MYO3A: variants seen among roughly 807,000 people sequenced by gnomAD.
MYO3A encodes myosin IIIA.
Under a neutral mutation model 192.7 loss-of-function variants are expected in MYO3A, and 180 were observed. The ratio of observed to expected loss-of-function variants is 0.93; its 90% CI spans 0.83 to 1.06. The LOEUF (loss-of-function observed/expected upper bound fraction) is 1.06. Among genes scored for constraint, MYO3A ranks in the 50% least tolerant of loss-of-function variants. MYO3A has a pLI of 0.00. For missense variants in MYO3A, 1,896 were observed against 1,905.0 expected (o/e 1.00, Z 0.09); for synonymous variants, 628 against 645.3 (o/e 0.97, Z 0.41).
rs1003060114 is a variant in MYO3A at position 25,955,025 on chromosome 10, C to A, written c.303+17C>A. On this transcript the variant is annotated intron_variant, in intron 4 of 34. Transcript: ENST00000642920. ...GTTCTTGAGGTAAGTGTGTCAGCAT[C>A]ATTTGTATGGGTGGAAACTTAGAGT... is the stretch of plus-strand genomic sequence containing the variant. 6.2e-7 allele frequency: 1 copy of A among 1,611,888 alleles called. No homozygotes were observed. Among genetic ancestry groups the A allele is most frequent in the Non-Finnish European group, 8.5e-7 (1 of 1,178,404 alleles).
chr10:26,138,289 T>A (rs564273576), intron 20 of MYO3A, among the ~76,000 whole-genome samples: 3 of 152,214 alleles, frequency 2.0e-5, no homozygotes, highest in Non-Finnish European at 4.4e-5. Context: ...CTGACACTTA[T>A]GGAAAATAGA....
At chr10:26,130,013 G>T (rs1839439631) in intron 20 of MYO3A, among the ~76,000 whole-genome samples, 1 of 151,994 alleles carries the variant, frequency 6.6e-6, no homozygotes, top group Admixed American at 6.5e-5. Context: ...TTGTTCTTTT[G>T]GTGGTTGGGT....
chr10:26,005,455 TTGA>T (rs1258339753), intron 6 of MYO3A, among the ~76,000 whole-genome samples: 1 of 125,884 alleles, frequency 7.9e-6, no homozygotes, highest in African/African-American at 3.9e-5. Context: ...TTTAGGACAG[TTGA>T]TGAAATTTGA....
At chr10:26,105,401 C>T (rs946877605) in intron 17 of MYO3A, among the ~76,000 whole-genome samples, 67 of 152,068 alleles carry the variant, frequency 4.4e-4, no homozygotes, top group African/African-American at 1.5e-3. Context: ...ATTTCCTAGT[C>T]TGGTGGGTGA....
At chr10:26,036,206 T>C (rs895218554) in intron 10 of MYO3A, among the ~76,000 whole-genome samples, 1 of 152,152 alleles carries the variant, frequency 6.6e-6, no homozygotes, top group Non-Finnish European at 1.5e-5. Flanking sequence ...CCCAAAGTGC[T>C]AGGATTACAG....
chr10:26,009,303 A>G (rs1353574306), intron 6 of MYO3A, among the ~76,000 whole-genome samples: 1 of 152,136 alleles, frequency 6.6e-6, no homozygotes. Flanking sequence ...GGTGCAGCAC[A>G]CCAGCACCAG....
intron 31 of MYO3A, among the ~76,000 whole-genome samples, chr10:26,185,513 T>C (rs1842823090): frequency 6.6e-6 from 1 of 151,822 alleles, no homozygotes; most frequent in Admixed American, 6.6e-5. Flanking sequence ...CTAAATTTTG[T>C]ATTTTTAGTA....
chr10:26,081,133 T>TCCCCCCCCTCCCCCC (rs1835906244), intron 14 of MYO3A, among the ~76,000 whole-genome samples: 1 of 84,940 alleles, frequency 1.2e-5, no homozygotes, highest in Non-Finnish European at 2.5e-5. Flanking sequence ...TATATGCCCT[T>TCCCCCCCCTCCCCCC]CCCCCCCCCC....
At chr10:26,057,604 G>A (rs978399113) in intron 10 of MYO3A, among the ~76,000 whole-genome samples, 2 of 152,172 alleles carry the variant, frequency 1.3e-5, no homozygotes, top group African/African-American at 4.8e-5. Context: ...GTCACCCTCT[G>A]GATGGGTAAA....
Position 26,212,290 on chromosome 10 carries a change from G to A in MYO3A, c.*327G>A, listed in dbSNP as rs886046928. 53 of 422,720 alleles carry A rather than the reference G, an allele frequency of 1.3e-4. No individual in the cohort carries two copies. Among genetic ancestry groups the A allele is most frequent in the Middle Eastern group, 1.2e-3 (2 of 1,648 alleles). 26.2% of individuals were successfully genotyped at this position (422,720 alleles called of 1,614,324 possible). A position where few individuals can be genotyped will look rare whatever the true frequency, so the allele number is the denominator to read the frequency against. On this transcript the variant is annotated 3_prime_UTR_variant, in exon 35 of 35. Transcript: ENST00000642920. ...GTTCTTTTTTTTTGTGACTCCTGTGGACTCCACTGCGCCTGGGATCTCGCC... is the reference window on the plus strand; with the variant it reads ...GTTCTTTTTTTTTGTGACTCCTGTGAACTCCACTGCGCCTGGGATCTCGCC...
intron 10 of MYO3A, among the ~76,000 whole-genome samples, chr10:26,051,571 A>T (rs1844006996): frequency 6.8e-6 from 1 of 148,146 alleles, no homozygotes; most frequent in African/African-American, 2.4e-5. Context: ...CTATAATATT[A>T]TTTTATATAT....
At chr10:25,971,172 T>C (rs887769601) in intron 4 of MYO3A, among the ~76,000 whole-genome samples, 9 of 152,152 alleles carry the variant, frequency 5.9e-5, no homozygotes, top group African/African-American at 2.2e-4. Context: ...GTTATCTGTC[T>C]TATTTAATGT....
At chr10:26,166,655 CAG>C (rs1395503215) in intron 27 of MYO3A, among the ~76,000 whole-genome samples, 1 of 152,168 alleles carries the variant, frequency 6.6e-6, no homozygotes, top group Non-Finnish European at 1.5e-5. Context: ...GTATTGAAAA[CAG>C]ATATATATTC....
intron 32 of MYO3A, among the ~76,000 whole-genome samples, chr10:26,194,891 A>C (rs977628423): frequency 6.6e-6 from 1 of 152,220 alleles, no homozygotes; most frequent in Non-Finnish European, 1.5e-5. Context: ...CCATGTATAC[A>C]TGTATAGAGA....
At chr10:26,067,376 G>T (rs191298078) in intron 11 of MYO3A, among the ~76,000 whole-genome samples, 1 of 152,280 alleles carries the variant, frequency 6.6e-6, no homozygotes, top group East Asian at 1.9e-4. Flanking sequence ...AGTGTAAGTT[G>T]TTAGGCCACA....
intron 4 of MYO3A, among the ~76,000 whole-genome samples, chr10:25,996,041 G>C (rs1472835969): frequency 6.6e-6 from 1 of 152,222 alleles, no homozygotes; most frequent in African/African-American, 2.4e-5. Flanking sequence ...GTCAGACAGG[G>C]ACATTTAAGT....
At chr10:26,183,183 G>A (rs1842692867) in intron 31 of MYO3A, among the ~76,000 whole-genome samples, 1 of 152,228 alleles carries the variant, frequency 6.6e-6, no homozygotes, top group African/African-American at 2.4e-5. Flanking sequence ...AACTAGGAGA[G>A]ACATGTGGGG....
At chr10:25,982,722 A>G (rs1462160418) in intron 4 of MYO3A, among the ~76,000 whole-genome samples, 2 of 151,698 alleles carry the variant, frequency 1.3e-5, no homozygotes, top group African/African-American at 4.9e-5. Context: ...GTATTAAAAA[A>G]CCCCATTCCT....
chr10:26,198,633 G>T (rs1261439328), intron 32 of MYO3A, among the ~76,000 whole-genome samples: 1 of 152,170 alleles, frequency 6.6e-6, no homozygotes, highest in Non-Finnish European at 1.5e-5. Context: ...TGATGTAATG[G>T]ATATGAATTT....
Sources: gnomAD v4.1 joint callset for allele counts (sites outside exome capture counted in the v4.1 genomes callset) on GRCh38, gnomAD v4.1.1 for gene constraint, MANE v1.5 for transcripts, NCBI Gene and HGNC (gene_info 2026-07-23, HGNC 2026-07-21) for gene names.